Variants in CGB7 observed in about 807,000 individuals in gnomAD.
CGB7 encodes the protein choriogonadotropin subunit beta 7.
A neutral mutation model predicts 7.3 loss-of-function variants in CGB7; 6 were observed. The observed-to-expected ratio is 0.82, with a 90% CI of 0.45 to 1.62. The LOEUF (loss-of-function observed/expected upper bound fraction) is 1.62. CGB7 is among the 40% of genes most tolerant of loss of function. The pLI is 0.01. For missense variants in CGB7, 114 were observed against 236.2 expected (o/e 0.48, Z 3.39); for synonymous variants, 47 against 100.8 (o/e 0.47, Z 3.20).
chr19:49,057,058 C>G (rs1293399146), intron 2 of CGB7, 63 bp downstream of exon 2: 8 of 1,498,222 alleles, frequency 5.3e-6, no homozygotes, highest in Non-Finnish European at 7.2e-6. Flanking sequence ...CCCAGGGGCT[C>G]GGCGTGCACC....
chr19:49,055,593 G>C lies in CGB7; in HGVS notation c.-218C>G. The C allele has an allele frequency of 6.8e-7, 1 of 1,468,198 alleles. No homozygotes were observed. The highest frequency in any genetic ancestry group is 9.0e-7 in the Non-Finnish European group (1 of 1,111,558). The allele number at this position is 1,468,198 out of a possible 1,614,324, so 90.9% of individuals were successfully genotyped here. A position where few individuals can be genotyped will look rare whatever the true frequency, so the allele number is the denominator to read the frequency against. On this transcript the variant is annotated 5_prime_UTR_variant, in exon 3 of 5. Coordinates refer to ENST00000684222, the MANE Select transcript of CGB7 (RefSeq NM_001385261.1). The stretch of plus-strand genomic sequence containing the variant: ...GCGCCAAGGATGAGGCGGAGACCAC[G>C]GTGAAGTGACCTCTGAGACTCAGTC...
At position 49,054,334 on chromosome 19, in the gene CGB7, G is replaced by T. The variant is rs775808413; in HGVS notation, c.455C>A (p.Ser152Tyr). 47 of 1,610,610 alleles carry T rather than the reference G, an allele frequency of 2.9e-5. No homozygotes were observed. The highest frequency in any genetic ancestry group is 4.0e-5 in the Non-Finnish European group (47 of 1,179,300). The change falls in exon 5 of 5, where the codon TCC becomes TAC. Residue 152 changes from serine (S) to tyrosine (Y), a missense_variant. Transcript: ENST00000684222. ...GGTGTCTGAGGGCCCCGGGAGTCGG[G>T]ATGGACTTGGAAGGCTGGGGGGAGG... is the stretch of plus-strand genomic sequence containing the variant. ...KAPPPSLPSP[S>Y]RLPGPSDTPI...
Position 49,056,428 on chromosome 19 carries a change from G to T in CGB7, c.-1053C>A. The T allele has an allele frequency of 7.7e-7, 1 of 1,297,854 alleles. No individual in the cohort carries two copies. Among genetic ancestry groups the T allele is most frequent in the Non-Finnish European group, 1.0e-6 (1 of 994,102 alleles). 80.4% of individuals were successfully genotyped at this position (1,297,854 alleles called of 1,614,324 possible). On this transcript the variant is annotated 5_prime_UTR_variant, in exon 3 of 5. Transcript: ENST00000684222. ...GCCGGCGGAGCGGGTGCGGCGAGGA[G>T]CTGTAGGTTTCCTGAGCCGGAGACA...
At chr19:49,057,023 C>G in intron 2 of CGB7, 98 bp downstream of exon 2, 1 of 1,312,200 alleles carries the variant, frequency 7.6e-7, no homozygotes, top group Non-Finnish European at 1.1e-6. Flanking sequence ...GAGACTGAGA[C>G]CACCGGTCAG....
rs1431403369 is a variant in CGB7, at chr19:49,056,414, G to T, written c.-1039C>A. ...GCGGAAGCGGTCGAGCCGGCGGAGC[G>T]GGTGCGGCGAGGAGCTGTAGGTTTC... is the stretch of plus-strand genomic sequence containing the variant. On this transcript the variant is annotated 5_prime_UTR_variant, in exon 3 of 5. Coordinates refer to ENST00000684222, the MANE Select transcript of CGB7 (RefSeq NM_001385261.1). 5 of 1,296,580 alleles carry T rather than the reference G, an allele frequency of 3.9e-6. No homozygotes were observed. Among genetic ancestry groups the T allele is most frequent in the Non-Finnish European group, 5.0e-6 (5 of 993,170 alleles). The allele number at this position is 1,296,580 out of a possible 1,614,324, so 80.3% of individuals were successfully genotyped here. A position where few individuals can be genotyped will look rare whatever the true frequency, so the allele number is the denominator to read the frequency against.
Position 49,056,138 on chromosome 19 carries a change from C to T in CGB7, c.-763G>A. On this transcript the variant is annotated 5_prime_UTR_variant, in exon 3 of 5. Coordinates refer to ENST00000684222, the MANE Select transcript of CGB7 (RefSeq NM_001385261.1). ...GTGGGCGTGTCTGGGCTAGTCCTGT[C>T]CCCACACTGCGGATAGACTTAATGA... 3 of 1,211,788 alleles carry T rather than the reference C, an allele frequency of 2.5e-6. No homozygotes were observed. The South Asian group carries it at 4.3e-5, about 17-fold the overall frequency. 75.1% of individuals were successfully genotyped at this position (1,211,788 alleles called of 1,614,324 possible).
rs1398258276 is a variant in CGB7, at chr19:49,055,418, G to A, written c.-43C>T. ...CCTGGTGTACCTGGCTTTATACCTC[G>A]GGTTTGTGGGGGCGTCAAGGCCACC... On this transcript the variant is annotated 5_prime_UTR_variant, in exon 3 of 5. Coordinates refer to ENST00000684222, the MANE Select transcript of CGB7 (RefSeq NM_001385261.1). 2 of 1,606,596 alleles carry A rather than the reference G, an allele frequency of 1.2e-6. No individual in the cohort carries two copies. The highest frequency in any genetic ancestry group is 1.3e-5 in the African/African-American group (1 of 74,904).
At chr19:49,057,068 C>T (rs553411507) in intron 2 of CGB7, 53 bp downstream of exon 2, 553 of 1,516,188 alleles carry the variant, frequency 3.6e-4, no homozygotes, top group African/African-American at 3.6e-3. Flanking sequence ...CGGCGTGCAC[C>T]GGCCATGGCG....
Position 49,055,425 on chromosome 19 carries a change from T to C in CGB7, c.-50A>G. 1 of 1,606,038 alleles carries C rather than the reference T, an allele frequency of 6.2e-7. No individual in the cohort carries two copies. The highest frequency in any genetic ancestry group is 1.1e-5 in the South Asian group (1 of 89,060). ...TACCTGGCTTTATACCTCGGGTTTGTGGGGGCGTCAAGGCCACCAGGAGGT... is the reference window on the plus strand; with the variant it reads ...TACCTGGCTTTATACCTCGGGTTTGCGGGGGCGTCAAGGCCACCAGGAGGT... On this transcript the variant is annotated 5_prime_UTR_variant, in exon 3 of 5. Coordinates refer to ENST00000684222, the MANE Select transcript of CGB7 (RefSeq NM_001385261.1).
At position 49,057,166 on chromosome 19, in the gene CGB7, T is replaced by C; in HGVS notation, c.-1266A>G. ...CCGCGCCGAGGTGGTCAGATAGAGC[T>C]GGCGGCGGTTCAGGACGCCCCGGTC... On this transcript the variant is annotated 5_prime_UTR_variant, in exon 2 of 5. Transcript: ENST00000684222. The C allele has an allele frequency of 6.5e-7, 1 of 1,534,328 alleles. No homozygotes were observed. Among genetic ancestry groups the C allele is most frequent in the Non-Finnish European group, 8.7e-7 (1 of 1,146,370 alleles).
chr19:49,055,523 G>C lies in CGB7; in HGVS notation c.-148C>G. 6.3e-7 allele frequency: 1 copy of C among 1,583,516 alleles called. No individual in the cohort carries two copies. Among genetic ancestry groups the C allele is most frequent in the Non-Finnish European group, 8.6e-7 (1 of 1,163,598 alleles). ...AGTAGACAAGGCCAGGGAGGCACAG[G>C]AGTGGCTCAGCGGAGCACCCCAGTC... On this transcript the variant is annotated 5_prime_UTR_variant, in exon 3 of 5. Transcript: ENST00000684222.
chr19:49,055,011 G>T lies in CGB7; in HGVS notation c.16-3C>A, dbSNP rs751449024. 2 of 1,601,750 alleles carry T rather than the reference G, an allele frequency of 1.2e-6. No individual in the cohort carries two copies. The highest frequency in any genetic ancestry group is 4.5e-5 in the East Asian group (2 of 44,834). On this transcript the variant is annotated splice_region_variant and splice_polypyrimidine_tract_variant and intron_variant, in intron 3 of 4. Coordinates refer to ENST00000684222, the MANE Select transcript of CGB7 (RefSeq NM_001385261.1). ...AGCAGCAGCAACAGCAGCAGCCCCT[G>T]GGACAAGGACACTGCTTCACCCGGG... is the stretch of plus-strand genomic sequence containing the variant.
rs1226526383 is a variant in CGB7, at chr19:49,055,975, C to T, written c.-600G>A. Reference sequence around the variant, plus strand: ...CTCAAGCCAGGATGCCCGGAGCGGTCCCCGGAAATGCGTGTGCTTCAGGTG... The same window carrying T: ...CTCAAGCCAGGATGCCCGGAGCGGTTCCCGGAAATGCGTGTGCTTCAGGTG... On this transcript the variant is annotated 5_prime_UTR_variant, in exon 3 of 5. Coordinates refer to ENST00000684222, the MANE Select transcript of CGB7 (RefSeq NM_001385261.1). 9.0e-7 allele frequency: 1 copy of T among 1,115,304 alleles called. No individual in the cohort carries two copies. Among genetic ancestry groups the T allele is most frequent in the East Asian group, 7.3e-5 (1 of 13,686 alleles). The allele number at this position is 1,115,304 out of a possible 1,614,324, so 69.1% of individuals were successfully genotyped here. A position where few individuals can be genotyped will look rare whatever the true frequency, so the allele number is the denominator to read the frequency against.
chr19:49,056,235 G>A lies in CGB7; in HGVS notation c.-860C>T. The A allele has an allele frequency of 7.8e-7, 1 of 1,288,306 alleles. No individual in the cohort carries two copies. Among genetic ancestry groups the A allele is most frequent in the Non-Finnish European group, 1.0e-6 (1 of 988,176 alleles). The allele number at this position is 1,288,306 out of a possible 1,614,324, so 79.8% of individuals were successfully genotyped here. A position where few individuals can be genotyped will look rare whatever the true frequency, so the allele number is the denominator to read the frequency against. Reference sequence around the variant, plus strand: ...GAGCTCTGCTCCGCCCCCACGCCAGGGGGCGTGTCTGGGGTGGGGCTGGCC... The same window carrying A: ...GAGCTCTGCTCCGCCCCCACGCCAGAGGGCGTGTCTGGGGTGGGGCTGGCC... On this transcript the variant is annotated 5_prime_UTR_variant, in exon 3 of 5. Coordinates refer to ENST00000684222, the MANE Select transcript of CGB7 (RefSeq NM_001385261.1).
Position 49,057,137 on chromosome 19 carries a change from A to C in CGB7, c.-1237T>G, listed in dbSNP as rs1173513234. Reference sequence around the variant, plus strand: ...CCGGCTTACTTGGGATAGAACCGAAAGTCCCGCGCCGAGGTGGTCAGATAG... The same window carrying C: ...CCGGCTTACTTGGGATAGAACCGAACGTCCCGCGCCGAGGTGGTCAGATAG... On this transcript the variant is annotated 5_prime_UTR_variant, in exon 2 of 5. Transcript: ENST00000684222. 1 of 1,533,970 alleles carries C rather than the reference A, an allele frequency of 6.5e-7. No homozygotes were observed. Among genetic ancestry groups the C allele is most frequent in the Non-Finnish European group, 8.7e-7 (1 of 1,146,362 alleles).
rs148064344 is a variant in CGB7 at position 49,054,880 on chromosome 19, G to A, written c.144C>T (p.Thr48=). The change falls in exon 4 of 5, where the codon ACC becomes ACT. Residue 48 remains threonine (T), a synonymous_variant. Transcript: ENST00000684222. ...VEKEGCPVCI[T]VNTTICAGYC... ...AGCCGGCACAGATGGTGGTGTTGAC[G>A]GTGATGCACACGGGGCAGCCCTCCT... is the stretch of plus-strand genomic sequence containing the variant. 1.2e-3 allele frequency: 1,906 copies of A among 1,590,516 alleles called. 24 individuals are homozygous for A. The highest frequency in any genetic ancestry group is 1.4e-3 in the Non-Finnish European group (1,637 of 1,173,658).
Position 49,056,182 on chromosome 19 carries a change from C to T in CGB7, c.-807G>A, listed in dbSNP as rs754131887. 1.6e-6 allele frequency: 2 copies of T among 1,267,234 alleles called. No homozygotes were observed. The highest frequency in any genetic ancestry group is 2.5e-5 in the Admixed American group (1 of 40,080). The allele number at this position is 1,267,234 out of a possible 1,614,324, so 78.5% of individuals were successfully genotyped here. On this transcript the variant is annotated 5_prime_UTR_variant, in exon 3 of 5. Transcript: ENST00000684222. ...TTAATGAGTGCGAGCCCACCTAGGT[C>T]CGACACCGCGTAGTGAGCGGCTGCC...
In CGB7 at chr19:49,057,748, A is replaced by G; in HGVS notation, c.-1635T>C. On this transcript the variant is annotated 5_prime_UTR_variant, in exon 1 of 5. Transcript: ENST00000684222. ...CCCTGGTCCTTCTGGCCTGGCGTGGATGCCCAGCCCTTCCTCCCGCTCCTC... is the reference window on the plus strand; with the variant it reads ...CCCTGGTCCTTCTGGCCTGGCGTGGGTGCCCAGCCCTTCCTCCCGCTCCTC... 7.5e-7 allele frequency: 1 copy of G among 1,334,026 alleles called. No individual in the cohort carries two copies. The highest frequency in any genetic ancestry group is 9.6e-7 in the Non-Finnish European group (1 of 1,044,832). The allele number at this position is 1,334,026 out of a possible 1,614,324, so 82.6% of individuals were successfully genotyped here.
rs759772361 is a variant in CGB7 at position 49,056,367 on chromosome 19, C to T, written c.-992G>A. 3.9e-6 allele frequency: 5 copies of T among 1,295,318 alleles called. No homozygotes were observed. In the African/African-American group the frequency reaches 4.5e-5, roughly 12 times the overall value. 80.2% of individuals were successfully genotyped at this position (1,295,318 alleles called of 1,614,324 possible). On this transcript the variant is annotated 5_prime_UTR_variant, in exon 3 of 5. Transcript: ENST00000684222. The stretch of plus-strand genomic sequence containing the variant: ...CCCGGCAGGGGCTTCCAGTGGGGGC[C>T]ACCCCAAGTCGCCTCCAGCGGGCGG...
Sources: allele counts gnomAD v4.1 joint callset, GRCh38; gene constraint gnomAD v4.1.1; transcripts MANE v1.5; gene names NCBI Gene and HGNC (gene_info 2026-07-23, HGNC 2026-07-21).